The following PPP1R1C variants were observed in gnomAD, a reference collection of about 807,000 sequenced individuals.
PPP1R1C encodes protein phosphatase 1 regulatory subunit 1C.
PPP1R1C carries 15 observed loss-of-function variants against 17.4 expected under a neutral mutation model. That is an observed-to-expected ratio of 0.86 (90% CI 0.58 to 1.33). The LOEUF is 1.33. Ranked by LOEUF, PPP1R1C falls within the 40% of genes most tolerant of loss-of-function variation. The pLI, the probability that PPP1R1C is intolerant of heterozygous loss-of-function variation, is 0.00. For synonymous variants in PPP1R1C, 35 were observed against 43.1 expected (o/e 0.81, Z 0.73); for missense variants, 143 against 130.0 (o/e 1.10, Z -0.48).
rs1252591717 is a variant in PPP1R1C, at chr2:181,961,977, A to T, written n.111+7343A>T. On this transcript the variant is annotated intron_variant and non_coding_transcript_variant, in intron 1 of 5. Coordinates refer to the PPP1R1C transcript ENST00000464264. The surrounding 1 kb of genome is among the most constrained non-coding windows in gnomAD (Gnocchi z 5.8). ...GGGTGCATGGCCAGCTCTGTCTCAT[A>T]CTTGACTCTAAAGTCATCGGCTGCA... 1 of 734,206 alleles carries T rather than the reference A, an allele frequency of 1.4e-6. No individual in the cohort carries two copies. Among genetic ancestry groups the T allele is most frequent in the African/African-American group, 1.7e-5 (1 of 58,052 alleles). 45.5% of individuals were successfully genotyped at this position (734,206 alleles called of 1,614,324 possible). A position where few individuals can be genotyped will look rare whatever the true frequency, so the allele number is the denominator to read the frequency against.
intron 1 of PPP1R1C, among the ~76,000 whole-genome samples, chr2:181,964,639 T>A (rs1684874491): frequency 1.3e-5 from 2 of 152,212 alleles, no homozygotes; most frequent in Non-Finnish European, 2.9e-5. Context: ...TGTTATTATC[T>A]GTCTTTTGGA....
intron 4 of PPP1R1C, among the ~76,000 whole-genome samples, chr2:182,077,883 TAA>T (rs759050617): frequency 6.6e-6 from 1 of 152,198 alleles, no homozygotes; most frequent in Non-Finnish European, 1.5e-5. Context: ...AAATAATGTT[TAA>T]GAAGTGGAAC....
intron 4 of PPP1R1C, among the ~76,000 whole-genome samples, chr2:182,099,461 A>G (rs565446018): frequency 6.6e-6 from 1 of 152,340 alleles, no homozygotes; most frequent in African/African-American, 2.4e-5. Context: ...ACGCTGAGGT[A>G]AGTCATGCTT....
At chr2:182,082,769 G>A (rs186174699) in intron 4 of PPP1R1C, among the ~76,000 whole-genome samples, 9 of 152,214 alleles carry the variant, frequency 5.9e-5, no homozygotes, top group Admixed American at 2.0e-4. Context: ...TAACATACAG[G>A]CAGAAAGGGC....
intron 4 of PPP1R1C, among the ~76,000 whole-genome samples, chr2:182,071,324 G>A (rs1442283372): frequency 1.3e-5 from 2 of 152,126 alleles, no homozygotes; most frequent in African/African-American, 4.8e-5. Flanking sequence ...GTATTTTCTA[G>A]AATATCCCTG....
intron 4 of PPP1R1C, among the ~76,000 whole-genome samples, chr2:182,092,787 C>T (rs1176911612): frequency 6.6e-6 from 1 of 152,204 alleles, no homozygotes; most frequent in African/African-American, 2.4e-5. Context: ...CTAGGTCACA[C>T]TGATGCAAGA....
intron 2 of PPP1R1C, among the ~76,000 whole-genome samples, chr2:182,023,133 T>C (rs1317188292): frequency 2.0e-5 from 3 of 152,092 alleles, no homozygotes; most frequent in Non-Finnish European, 4.4e-5. Flanking sequence ...GTAGGCAATA[T>C]AGAAAAATTA....
At chr2:182,021,692 T>G (rs1686434097) in intron 2 of PPP1R1C, among the ~76,000 whole-genome samples, 1 of 152,180 alleles carries the variant, frequency 6.6e-6, no homozygotes, top group Non-Finnish European at 1.5e-5. Flanking sequence ...TGGCAATTTC[T>G]CTCTGCCTTT....
chr2:182,038,254 G>T (rs1687074030), intron 2 of PPP1R1C, among the ~76,000 whole-genome samples: 1 of 151,990 alleles, frequency 6.6e-6, no homozygotes, highest in African/African-American at 2.4e-5. Flanking sequence ...GGCCAGGCTG[G>T]TCTTGAACTT....
intron 2 of PPP1R1C, among the ~76,000 whole-genome samples, chr2:182,009,295 A>T (rs2125154129): frequency 6.6e-6 from 1 of 152,116 alleles, no homozygotes; most frequent in Middle Eastern, 3.4e-3. Flanking sequence ...AGCATTTGTT[A>T]TTGCCTAACT....
intron 4 of PPP1R1C, among the ~76,000 whole-genome samples, chr2:182,095,955 A>G (rs149092440): frequency 3.0e-4 from 46 of 151,944 alleles, no homozygotes; most frequent in African/African-American, 1.0e-3. Flanking sequence ...AGCCTGGGCA[A>G]CAGAGCAGGA....
chr2:182,023,825 C>G (rs570738921), intron 2 of PPP1R1C: 1 of 151,924 alleles, frequency 6.6e-6, no homozygotes, highest in South Asian at 2.1e-4. Context: ...TTTGTAGAAA[C>G]CAGGTCTCAC....
intron 1 of PPP1R1C, among the ~76,000 whole-genome samples, chr2:181,964,849 C>A (rs1393022603): frequency 6.6e-6 from 1 of 152,076 alleles, no homozygotes; most frequent in Non-Finnish European, 1.5e-5. Flanking sequence ...GGGATTACAG[C>A]AGCCTGCCAC....
At chr2:182,070,555 T>C (rs1688110791) in intron 4 of PPP1R1C, among the ~76,000 whole-genome samples, 1 of 152,240 alleles carries the variant, frequency 6.6e-6, no homozygotes, top group Non-Finnish European at 1.5e-5. Flanking sequence ...TAGAACAGGT[T>C]TGGATTTGTA....
intron 5 of PPP1R1C, among the ~76,000 whole-genome samples, chr2:182,123,557 A>G (rs563608383): frequency 2.8e-3 from 419 of 152,300 alleles, no homozygotes; most frequent in African/African-American, 9.7e-3. Context: ...AACTAGCCTG[A>G]GATGTTATCT....
At chr2:182,026,521 G>T (rs918275342) in intron 2 of PPP1R1C, among the ~76,000 whole-genome samples, 3 of 147,064 alleles carry the variant, frequency 2.0e-5, no homozygotes, top group Non-Finnish European at 4.5e-5. Context: ...GATAGTTGTA[G>T]ATATGCGGCG....
At chr2:182,121,792 G>A (rs975422788), downstream of PPP1R1C, among the ~76,000 whole-genome samples, 3 of 152,122 alleles carry the variant, frequency 2.0e-5, no homozygotes, top group Admixed American at 6.5e-5. Flanking sequence ...GTGAGCCCCC[G>A]TTCCCGGCCT....
chr2:182,002,934 C>CA (rs1320752002), intron 2 of PPP1R1C, among the ~76,000 whole-genome samples: 14 of 138,546 alleles, frequency 1.0e-4, no homozygotes, highest in Non-Finnish European at 2.3e-4. Context: ...TAAACCTCCC[C>CA]CCCCCCACAA....
Position 182,086,400 on chromosome 2 carries a change from A to G in PPP1R1C, c.241+22609A>G, listed in dbSNP as rs146235354. ...TAAAAGGATCATACTTAAACTTTGT[A>G]AGAGTGTGGGAAAAGATACACTCAT... On this transcript the variant is annotated intron_variant, in intron 4 of 4. Coordinates refer to ENST00000682840, the MANE Select transcript of PPP1R1C (RefSeq NM_001080545.3). Among the ~76,000 whole-genome samples, 377 of 152,286 alleles carry G rather than the reference A, an allele frequency of 2.5e-3. 4 individuals are homozygous for G. The highest frequency in any genetic ancestry group is 8.5e-3 in the African/African-American group (355 of 41,586).
Sources: allele counts gnomAD v4.1 joint callset (sites outside exome capture counted in the v4.1 genomes callset), GRCh38; gene constraint gnomAD v4.1.1; non-coding constraint Gnocchi (gnomAD v3.1); transcripts MANE v1.5; gene names NCBI Gene and HGNC (gene_info 2026-07-23, HGNC 2026-07-21).